The following DPP10 variants were observed in gnomAD, a reference collection of about 807,000 sequenced individuals.
DPP10 encodes dipeptidyl peptidase like 10.
A neutral mutation model predicts 120.9 loss-of-function variants in DPP10; 33 were observed. That is an observed-to-expected ratio of 0.27 (90% CI 0.21 to 0.37). The LOEUF is 0.37. Among genes scored for constraint, DPP10 ranks in the 10% least tolerant of loss-of-function variants. DPP10 has a pLI of 1.00. For synonymous variants in DPP10, 337 were observed against 326.1 expected, an observed-to-expected ratio of 1.03 and a Z score of -0.36; for missense variants, 816 against 942.8, an observed-to-expected ratio of 0.87 and a Z score of 1.76.
At chr2:115,339,705 C>A (rs1234682043) in intron 2 of DPP10, among the ~76,000 whole-genome samples, 1 of 152,002 alleles carries the variant, frequency 6.6e-6, no homozygotes, top group Non-Finnish European at 1.5e-5. Context: ...AAAAGCCAGT[C>A]CAAAAGCTTA....
At chr2:114,683,996 A>G (rs1181757372) in intron 1 of DPP10, among the ~76,000 whole-genome samples, 2 of 152,032 alleles carry the variant, frequency 1.3e-5, no homozygotes, top group Non-Finnish European at 1.5e-5. Context: ...TAAAGGGACA[A>G]ATCTACTGTG....
At chr2:115,220,881 T>C (rs1203782252) in intron 1 of DPP10, among the ~76,000 whole-genome samples, 3 of 150,846 alleles carry the variant, frequency 2.0e-5, no homozygotes, top group Admixed American at 6.6e-5. Context: ...CTATTTCATA[T>C]GTATACATAT....
At chr2:115,723,863 A>G (rs1380477490) in intron 7 of DPP10, among the ~76,000 whole-genome samples, 1 of 152,120 alleles carries the variant, frequency 6.6e-6, no homozygotes, top group Non-Finnish European at 1.5e-5. Flanking sequence ...GAATGCAAAT[A>G]CTATCCCAAC....
chr2:115,094,612 C>T (rs1709563368), intron 1 of DPP10, among the ~76,000 whole-genome samples: 1 of 152,074 alleles, frequency 6.6e-6, no homozygotes, highest in African/African-American at 2.4e-5. Context: ...AAAATAATAC[C>T]TGTTTTGAAA....
At chr2:115,055,491 T>C (rs993128248) in intron 1 of DPP10, among the ~76,000 whole-genome samples, 4 of 152,202 alleles carry the variant, frequency 2.6e-5, no homozygotes, top group Admixed American at 1.3e-4. Context: ...AAGAACCACT[T>C]AAACAGGTCA....
At chr2:114,499,797 A>AG (rs1254189890) in intron 1 of DPP10, among the ~76,000 whole-genome samples, 1 of 152,200 alleles carries the variant, frequency 6.6e-6, no homozygotes, top group East Asian at 1.9e-4. Flanking sequence ...ATGGAATGAA[A>AG]GCTTCATCCT....
intron 1 of DPP10, among the ~76,000 whole-genome samples, chr2:114,736,041 G>A (rs1368852434): frequency 1.3e-5 from 2 of 151,992 alleles, no homozygotes; most frequent in African/African-American, 4.8e-5. Flanking sequence ...AAATATACAA[G>A]TAGATCTAGA....
intron 1 of DPP10, among the ~76,000 whole-genome samples, chr2:114,769,349 C>T (rs972123893): frequency 2.6e-5 from 4 of 152,062 alleles, no homozygotes; most frequent in African/African-American, 7.2e-5. Context: ...TGCAAATGCT[C>T]TCCCACTCTT....
chr2:115,657,922 G>A (rs1185086944), intron 5 of DPP10, among the ~76,000 whole-genome samples: 1 of 151,802 alleles, frequency 6.6e-6, no homozygotes, highest in East Asian at 1.9e-4. Flanking sequence ...CTGTGTGGAA[G>A]AACCTTCCAC....
intron 1 of DPP10, among the ~76,000 whole-genome samples, chr2:114,464,455 T>C (rs572750288): frequency 1.9e-4 from 29 of 152,212 alleles, no homozygotes; most frequent in African/African-American, 6.5e-4. Context: ...ATTTTCTTAT[T>C]GTTGATTTGT....
chr2:114,905,076 G>A (rs545245384), intron 1 of DPP10, among the ~76,000 whole-genome samples: 40 of 152,160 alleles, frequency 2.6e-4, no homozygotes, highest in Middle Eastern at 6.8e-3. Flanking sequence ...ACTGTTTATT[G>A]CTGGAATTAG....
chr2:115,325,327 T>G (rs931199692), intron 2 of DPP10, among the ~76,000 whole-genome samples: 2 of 152,162 alleles, frequency 1.3e-5, no homozygotes, highest in East Asian at 3.9e-4. Flanking sequence ...GAGAATTGTT[T>G]AGTGAAAGTT....
chr2:115,243,758 G>GT (rs1302964803), intron 1 of DPP10, among the ~76,000 whole-genome samples: 4 of 141,200 alleles, frequency 2.8e-5, no homozygotes, highest in Admixed American at 7.4e-5. Flanking sequence ...CTTCTTGCTG[G>GT]TTTTTTTTTA....
intron 1 of DPP10, among the ~76,000 whole-genome samples, chr2:114,532,279 A>G (rs1199105345): frequency 1.8e-5 from 1 of 55,326 alleles, no homozygotes; most frequent in African/African-American, 6.0e-5. Context: ...ATATATATAT[A>G]TATATATATA....
intron 1 of DPP10, among the ~76,000 whole-genome samples, chr2:114,987,918 C>T (rs1264842565): frequency 2.6e-5 from 4 of 151,516 alleles, no homozygotes; most frequent in African/African-American, 4.9e-5. Flanking sequence ...ATTCTCCTGC[C>T]TCAGTCTCCC....
intron 1 of DPP10, among the ~76,000 whole-genome samples, chr2:114,620,256 G>A (rs1321225120): frequency 6.6e-6 from 1 of 151,912 alleles, no homozygotes; most frequent in Non-Finnish European, 1.5e-5. Flanking sequence ...GGAAAATAAA[G>A]AAACACAAGT....
intron 1 of DPP10, among the ~76,000 whole-genome samples, chr2:114,775,485 T>C (rs1681646058): frequency 6.6e-6 from 1 of 152,152 alleles, no homozygotes; most frequent in South Asian, 2.1e-4. Context: ...AGGGTCAGCA[T>C]TTTTGTCCCA....
At chr2:115,697,316 C>G (rs1258503316) in intron 7 of DPP10, among the ~76,000 whole-genome samples, 4 of 151,834 alleles carry the variant, frequency 2.6e-5, no homozygotes, top group Non-Finnish European at 5.9e-5. Flanking sequence ...TATGATTCAA[C>G]TACATACGCT....
intron 1 of DPP10, among the ~76,000 whole-genome samples, chr2:114,776,214 T>C (rs1330331418): frequency 1.3e-5 from 2 of 152,150 alleles, no homozygotes; most frequent in African/African-American, 2.4e-5. Flanking sequence ...GAGTGAACAA[T>C]TGAACAACAA....
Sources: gnomAD v4.1 joint callset for allele counts (sites outside exome capture counted in the v4.1 genomes callset) on GRCh38, gnomAD v4.1.1 for gene constraint, MANE v1.5 for transcripts, NCBI Gene and HGNC (gene_info 2026-07-23, HGNC 2026-07-21) for gene names.